The following CTIF variants were observed in gnomAD, a reference collection of about 807,000 sequenced individuals.
CTIF encodes the protein cap binding complex dependent translation initiation factor.
Under a neutral mutation model 66.0 loss-of-function variants are expected in CTIF, and 21 were observed. The observed-to-expected ratio is 0.32, with a 90% confidence interval of 0.23 to 0.46. The LOEUF is 0.46. Ranked by LOEUF, CTIF falls within the 20% of genes least tolerant of loss-of-function variation. The probability of loss-of-function intolerance (pLI) is 1.00; values close to 1 mark genes in which losing one functional copy is unlikely to be tolerated. For synonymous variants in CTIF, 345 were observed against 326.4 expected (o/e 1.06, Z -0.62); for missense variants, 739 against 812.7 (o/e 0.91, Z 1.10).
At chr18:48,598,241 A>G (rs2090023161) in intron 1 of CTIF, among the ~76,000 whole-genome samples, 1 of 152,224 alleles carries the variant, frequency 6.6e-6, no homozygotes, top group African/African-American at 2.4e-5. Flanking sequence ...GCATCCCCTG[A>G]ACCATAGTTG....
chr18:48,646,447 T>TA (rs34735937), intron 3 of CTIF, among the ~76,000 whole-genome samples: 12 of 149,106 alleles, frequency 8.0e-5, no homozygotes, highest in East Asian at 5.9e-4. Context: ...TTGGCAGCAT[T>TA]AAAAAAAAAA....
chr18:48,592,932 G>T (rs1018327350), intron 1 of CTIF, among the ~76,000 whole-genome samples: 70 of 152,246 alleles, frequency 4.6e-4, no homozygotes, highest in African/African-American at 1.4e-3. Flanking sequence ...CGCGGATCAG[G>T]GAATGGAGGC....
At chr18:48,715,097 C>G (rs2092266903) in intron 7 of CTIF, among the ~76,000 whole-genome samples, 1 of 152,180 alleles carries the variant, frequency 6.6e-6, no homozygotes, top group South Asian at 2.1e-4. Flanking sequence ...TGTTCCTTCC[C>G]CTGGATCCAC....
chr18:48,758,281 CA>C lies in CTIF; in HGVS notation c.948del (p.Pro319GlnfsTer36). 6.2e-7 allele frequency: 1 copy of C among 1,613,456 alleles called. No individual in the cohort carries two copies. The highest frequency in any genetic ancestry group is 8.5e-7 in the Non-Finnish European group (1 of 1,179,898). ...VASERLPPQQ[S>X]GGPEVETKRK... ...TCTGAGCGGCTGCCCCCACAGCAGT[CA>C]GGGGGGCCAGAGGTTGAGACAAAAC... On this transcript the variant is annotated frameshift_variant, in exon 8 of 12. Coordinates refer to ENST00000256413, the MANE Select transcript of CTIF (RefSeq NM_014772.3). LOFTEE classifies it high-confidence loss of function.
chr18:48,591,272 G>A (rs887741545), intron 1 of CTIF, among the ~76,000 whole-genome samples: 2 of 152,208 alleles, frequency 1.3e-5, no homozygotes, highest in Non-Finnish European at 2.9e-5. Flanking sequence ...CACCTTGTGG[G>A]TCCCAGGCTG....
chr18:48,656,225 G>T (rs552558854), intron 3 of CTIF, among the ~76,000 whole-genome samples: 35 of 152,310 alleles, frequency 2.3e-4, no homozygotes, highest in Admixed American at 1.0e-3. Context: ...CTCTGCAGTG[G>T]GTTCAGTTTA....
intron 10 of CTIF, among the ~76,000 whole-genome samples, chr18:48,842,813 G>A (rs2068977567): frequency 6.6e-6 from 1 of 152,244 alleles, no homozygotes. Flanking sequence ...CAGGCAGCTA[G>A]CTCCCTCCAC....
chr18:48,666,364 A>G (rs190260352), intron 5 of CTIF, among the ~76,000 whole-genome samples: 1 of 152,332 alleles, frequency 6.6e-6, no homozygotes, highest in Admixed American at 6.5e-5. Flanking sequence ...GTGGAAAGAA[A>G]TGGGCTCATT....
intron 3 of CTIF, among the ~76,000 whole-genome samples, chr18:48,655,649 G>T (rs1358733791): frequency 6.6e-6 from 1 of 152,142 alleles, no homozygotes; most frequent in East Asian, 1.9e-4. Context: ...AGTGACTGAG[G>T]GTGCACTGTA....
intron 7 of CTIF, among the ~76,000 whole-genome samples, chr18:48,734,054 G>A (rs1196418077): frequency 6.6e-6 from 1 of 152,214 alleles, no homozygotes; most frequent in Admixed American, 6.5e-5. Flanking sequence ...CATGAGGGAC[G>A]CTGTGTTCTT....
chr18:48,741,612 A>G (rs959958123), intron 7 of CTIF, among the ~76,000 whole-genome samples: 3 of 151,822 alleles, frequency 2.0e-5, no homozygotes, highest in Non-Finnish European at 4.4e-5. Context: ...TTTAGTAGGG[A>G]TGAGATTTTG....
chr18:48,698,304 G>A (rs995334099), intron 6 of CTIF, among the ~76,000 whole-genome samples: 1 of 151,906 alleles, frequency 6.6e-6, no homozygotes, highest in Non-Finnish European at 1.5e-5. Context: ...CGCAGGAGAT[G>A]CCCCGGCTGC....
At chr18:48,718,611 C>T (rs1416405840) in intron 7 of CTIF, among the ~76,000 whole-genome samples, 1 of 152,116 alleles carries the variant, frequency 6.6e-6, no homozygotes, top group African/African-American at 2.4e-5. Flanking sequence ...GCCTTTTGTT[C>T]TGTTTGGGCC....
At chr18:48,566,751 G>A (rs1464610732) in intron 1 of CTIF, 4 of 151,002 alleles carry the variant, frequency 2.6e-5, no homozygotes, top group Non-Finnish European at 5.9e-5. Context: ...TGTCTCATGG[G>A]AAGGAAGGGA....
rs985047221 is a variant in CTIF, at chr18:48,862,932, G to A, written c.*3373G>A. 1 of 152,324 alleles carries A rather than the reference G, an allele frequency of 6.6e-6. No homozygotes were observed. The highest frequency in any genetic ancestry group is 2.4e-5 in the African/African-American group (1 of 41,470). The allele number at this position is 152,324 out of a possible 1,614,324, so 9.4% of individuals were successfully genotyped here. On this transcript the variant is annotated 3_prime_UTR_variant, in exon 12 of 12. Transcript: ENST00000256413. ...GTGTCCCTCAGCTGCAGGGCACTGTGTTGGGAAACCATTGGCTGGGCCTTT... is the reference window on the plus strand; with the variant it reads ...GTGTCCCTCAGCTGCAGGGCACTGTATTGGGAAACCATTGGCTGGGCCTTT...
At chr18:48,644,775 G>A (rs973908625) in intron 3 of CTIF, among the ~76,000 whole-genome samples, 4 of 152,312 alleles carry the variant, frequency 2.6e-5, no homozygotes, top group Non-Finnish European at 2.9e-5. Context: ...GCTGGTGTCC[G>A]CACAGGGCCT....
chr18:48,625,912 C>G (rs542078673), intron 2 of CTIF, among the ~76,000 whole-genome samples: 7 of 151,990 alleles, frequency 4.6e-5, no homozygotes, highest in African/African-American at 1.7e-4. Flanking sequence ...TTAAAGTGCT[C>G]TCCAAAGATC....
intron 9 of CTIF, among the ~76,000 whole-genome samples, chr18:48,799,068 A>G (rs1397340965): frequency 2.6e-5 from 4 of 152,332 alleles, no homozygotes; most frequent in South Asian, 2.1e-4. Context: ...GGAGAAGGTG[A>G]ATGGTGCCAG....
At chr18:48,667,674 G>A (rs866949093) in intron 5 of CTIF, among the ~76,000 whole-genome samples, 1 of 152,222 alleles carries the variant, frequency 6.6e-6, no homozygotes, top group Non-Finnish European at 1.5e-5. Flanking sequence ...TGAAGCCAGA[G>A]TAACCAGCCA....
Sources: gnomAD v4.1 joint callset for allele counts (sites outside exome capture counted in the v4.1 genomes callset) on GRCh38, gnomAD v4.1.1 for gene constraint, MANE v1.5 for transcripts, NCBI Gene and HGNC (gene_info 2026-07-23, HGNC 2026-07-21) for gene names.